Variants in METTL15 observed in about 807,000 individuals in gnomAD.
METTL15 encodes the protein 12S rRNA N(4)-cytidine methyltransferase METTL15.
Under a neutral mutation model 38.3 loss-of-function variants are expected in METTL15, and 34 were observed. That is an observed-to-expected ratio of 0.89 (90% CI 0.68 to 1.18). The LOEUF is 1.18. Ranked by LOEUF, METTL15 falls within the 50% of genes most tolerant of loss-of-function variation. The pLI is 0.00. For synonymous variants in METTL15, 162 were observed against 170.9 expected, an observed-to-expected ratio of 0.95 and a Z score of 0.41; for missense variants, 438 against 498.4, an observed-to-expected ratio of 0.88 and a Z score of 1.15.
At chr11:28,272,296 C>T (rs1855675229) in intron 4 of METTL15, among the ~76,000 whole-genome samples, 1 of 152,078 alleles carries the variant, frequency 6.6e-6, no homozygotes, top group Non-Finnish European at 1.5e-5. Flanking sequence ...CTGTTCACAA[C>T]AGCAAATACT....
chr11:28,494,119 A>T (rs910575552), intron 6 of METTL15, among the ~76,000 whole-genome samples: 2 of 152,174 alleles, frequency 1.3e-5, no homozygotes, highest in African/African-American at 4.8e-5. Flanking sequence ...AGGATGAAAG[A>T]TGTCTCATTT....
At chr11:28,174,619 C>T (rs576202491) in intron 3 of METTL15, among the ~76,000 whole-genome samples, 1 of 151,608 alleles carries the variant, frequency 6.6e-6, no homozygotes, top group African/African-American at 2.4e-5. Flanking sequence ...TTGAGACCAT[C>T]CTGGCGAACA....
intron 4 of METTL15, chr11:28,361,932 T>C (rs964784898): frequency 6.6e-6 from 1 of 152,172 alleles, no homozygotes; most frequent in African/African-American, 2.4e-5. Context: ...TCTTATGTTT[T>C]ACAGGCATTT....
At chr11:28,432,010 A>G (rs556478587) in intron 6 of METTL15, among the ~76,000 whole-genome samples, 1 of 152,264 alleles carries the variant, frequency 6.6e-6, no homozygotes, top group East Asian at 1.9e-4. Flanking sequence ...GAATCCTTCC[A>G]TTAACACCAG....
intron 4 of METTL15, among the ~76,000 whole-genome samples, chr11:28,215,321 T>A (rs986496661): frequency 6.6e-6 from 1 of 152,096 alleles, no homozygotes; most frequent in Non-Finnish European, 1.5e-5. Context: ...GAAAAAAGGT[T>A]CTGGTTTCTA....
chr11:28,430,197 C>T (rs1422784231), intron 6 of METTL15, among the ~76,000 whole-genome samples: 10 of 151,824 alleles, frequency 6.6e-5, no homozygotes, highest in African/African-American at 2.4e-4. Flanking sequence ...GCGTCTCCAC[C>T]CGGCAGCCAC....
At chr11:28,389,291 T>C (rs1850476052) in intron 5 of METTL15, among the ~76,000 whole-genome samples, 1 of 151,490 alleles carries the variant, frequency 6.6e-6, no homozygotes, top group Non-Finnish European at 1.5e-5. Context: ...GCAGGTTAGT[T>C]ACATATGTAT....
chr11:28,218,155 G>A (rs1447572003), intron 4 of METTL15, among the ~76,000 whole-genome samples: 2 of 152,072 alleles, frequency 1.3e-5, no homozygotes, highest in African/African-American at 4.8e-5. Context: ...GGATAGTGTG[G>A]CCATTTTCAC....
chr11:28,447,911 A>G (rs1851088447), intron 6 of METTL15, among the ~76,000 whole-genome samples: 1 of 152,162 alleles, frequency 6.6e-6, no homozygotes, highest in Non-Finnish European at 1.5e-5. Flanking sequence ...AAAGAGGGCA[A>G]ATAGTAATGT....
chr11:28,189,681 A>G (rs1180276938), intron 3 of METTL15, among the ~76,000 whole-genome samples: 2 of 151,260 alleles, frequency 1.3e-5, no homozygotes, highest in Non-Finnish European at 3.0e-5. Context: ...TTACAAGAGT[A>G]AGCTTTCATG....
intron 6 of METTL15, among the ~76,000 whole-genome samples, chr11:28,452,716 A>T (rs1295174048): frequency 2.6e-5 from 4 of 152,194 alleles, no homozygotes; most frequent in Non-Finnish European, 4.4e-5. Context: ...AGTGAGGGAT[A>T]GTTCATATTG....
intron 5 of METTL15, among the ~76,000 whole-genome samples, chr11:28,388,761 A>T (rs1850468382): frequency 6.6e-6 from 1 of 152,074 alleles, no homozygotes; most frequent in Non-Finnish European, 1.5e-5. Context: ...TACATATGCC[A>T]TGTTGGTGTG....
At chr11:28,257,188 A>C (rs577312836) in intron 4 of METTL15, among the ~76,000 whole-genome samples, 2 of 152,046 alleles carry the variant, frequency 1.3e-5, no homozygotes, top group African/African-American at 2.4e-5. Context: ...TTTTTCTTTC[A>C]GCACTTGAAA....
chr11:28,149,861 CAATA>C (rs1850019004), intron 3 of METTL15, among the ~76,000 whole-genome samples: 2 of 151,754 alleles, frequency 1.3e-5, no homozygotes, highest in South Asian at 4.2e-4. Context: ...AATTGAGAGT[CAATA>C]AAGAAAATTC....
At chr11:28,127,200 T>C (rs765018477) in intron 3 of METTL15, among the ~76,000 whole-genome samples, 8 of 152,108 alleles carry the variant, frequency 5.3e-5, no homozygotes, top group Non-Finnish European at 7.4e-5. Flanking sequence ...AGATTACTTA[T>C]GAGGCTTTTG....
At chr11:28,455,518 G>A (rs780143343) in intron 6 of METTL15, among the ~76,000 whole-genome samples, 1 of 151,936 alleles carries the variant, frequency 6.6e-6, no homozygotes, top group Non-Finnish European at 1.5e-5. Flanking sequence ...CAGCCCTATT[G>A]AGGTCAGAGA....
At chr11:28,431,808 G>GA (rs1186274147) in intron 6 of METTL15, among the ~76,000 whole-genome samples, 3 of 87,076 alleles carry the variant, frequency 3.4e-5, no homozygotes, top group Admixed American at 1.2e-4. Flanking sequence ...AAAAAAAAAA[G>GA]AAAAAAAAAA....
intron 5 of METTL15, among the ~76,000 whole-genome samples, chr11:28,421,643 T>C (rs564393665): frequency 6.6e-6 from 1 of 151,954 alleles, no homozygotes; most frequent in African/African-American, 2.4e-5. Context: ...AAAAAGCAGT[T>C]GAAAAAATTT....
chr11:28,150,804 G>A (rs1850056299), intron 3 of METTL15, among the ~76,000 whole-genome samples: 1 of 151,714 alleles, frequency 6.6e-6, no homozygotes, highest in Admixed American at 6.6e-5. Context: ...TTTTCTATGA[G>A]TCTTTATTTA....
Sources: allele counts gnomAD v4.1 joint callset (sites outside exome capture counted in the v4.1 genomes callset), GRCh38; gene constraint gnomAD v4.1.1; transcripts MANE v1.5; gene names NCBI Gene and HGNC (gene_info 2026-07-23, HGNC 2026-07-21).